The following STX8 variants were observed in gnomAD, a reference collection of about 807,000 sequenced individuals.
STX8 encodes the protein syntaxin-8.
STX8 carries 23 observed loss-of-function variants against 37.5 expected under a neutral mutation model. The observed-to-expected ratio is 0.61, with a 90% CI of 0.44 to 0.87. STX8 has a LOEUF of 0.87. Ranked by LOEUF, STX8 falls within the 40% of genes least tolerant of loss-of-function variation. The pLI is 0.00. For missense variants in STX8, 313 were observed against 284.7 expected (o/e 1.10, Z -0.71); for synonymous variants, 115 against 99.1 (o/e 1.16, Z -0.95).
chr17:9,421,894 A>C (rs1378312737), intron 6 of STX8, among the ~76,000 whole-genome samples: 1 of 151,932 alleles, frequency 6.6e-6, no homozygotes, highest in Non-Finnish European at 1.5e-5. Context: ...TCGAGTTCTC[A>C]CAAGATCTGG....
At chr17:9,376,839 G>A (rs1003012568) in intron 7 of STX8, among the ~76,000 whole-genome samples, 3 of 152,186 alleles carry the variant, frequency 2.0e-5, no homozygotes, top group African/African-American at 7.2e-5. Context: ...TGAAGTCAGC[G>A]AGACCAAGAA....
At chr17:9,528,241 G>T (rs997740208) in intron 4 of STX8, among the ~76,000 whole-genome samples, 2 of 152,202 alleles carry the variant, frequency 1.3e-5, no homozygotes, top group African/African-American at 4.8e-5. Flanking sequence ...TACTTGAGGA[G>T]AAAGGCACTG....
chr17:9,444,814 G>A (rs1426482094), intron 6 of STX8, among the ~76,000 whole-genome samples: 2 of 152,148 alleles, frequency 1.3e-5, no homozygotes, highest in Admixed American at 1.3e-4. Context: ...TGTGCAAAGG[G>A]AGACAGGCTT....
chr17:9,469,384 A>T (rs1905754581), intron 6 of STX8: 1 of 151,506 alleles, frequency 6.6e-6, no homozygotes, highest in Non-Finnish European at 1.5e-5. Context: ...ACACACACAC[A>T]TCTACCCCTA....
At chr17:9,471,031 CTTT>C (rs757411419) in intron 6 of STX8, among the ~76,000 whole-genome samples, 1,037 of 32,954 alleles carry the variant, frequency 0.031, 17 homozygotes, top group African/African-American at 0.11. Flanking sequence ...CTGCATCCTG[CTTT>C]TTTTTTTTTT....
chr17:9,519,022 A>G (rs1597721035), intron 4 of STX8, among the ~76,000 whole-genome samples: 1 of 152,288 alleles, frequency 6.6e-6, no homozygotes, highest in East Asian at 1.9e-4. Context: ...CTAGCAGGAC[A>G]ATACCAGAAT....
At chr17:9,357,020 T>G (rs1456982083) in intron 7 of STX8, among the ~76,000 whole-genome samples, 1 of 139,122 alleles carries the variant, frequency 7.2e-6, no homozygotes, top group Admixed American at 8.2e-5. Context: ...CCGGCTGAAG[T>G]GCAGTGGCAT....
At chr17:9,353,653 C>T (rs951558815) in intron 7 of STX8, among the ~76,000 whole-genome samples, 6 of 152,218 alleles carry the variant, frequency 3.9e-5, no homozygotes, top group South Asian at 2.1e-4. Flanking sequence ...TCTAATATCA[C>T]TCTAAACAAT....
chr17:9,563,316 G>A (rs1907325027), intron 2 of STX8, among the ~76,000 whole-genome samples: 1 of 151,888 alleles, frequency 6.6e-6, no homozygotes, highest in Non-Finnish European at 1.5e-5. Flanking sequence ...CCGAGTAGCT[G>A]GGATTACAGG....
intron 5 of STX8, among the ~76,000 whole-genome samples, chr17:9,502,517 T>C (rs1262391093): frequency 6.6e-6 from 1 of 152,232 alleles, no homozygotes; most frequent in Admixed American, 6.5e-5. Flanking sequence ...TATGTATACA[T>C]ATTTTGAAAC....
intron 7 of STX8, among the ~76,000 whole-genome samples, chr17:9,339,659 C>CT (rs1458127965): frequency 6.6e-6 from 1 of 150,978 alleles, no homozygotes; most frequent in Non-Finnish European, 1.5e-5. Context: ...GAGACACCAT[C>CT]TAAAAAAAAA....
intron 6 of STX8, among the ~76,000 whole-genome samples, chr17:9,394,688 C>CAT (rs1912334984): frequency 6.6e-6 from 1 of 151,494 alleles, no homozygotes; most frequent in Non-Finnish European, 1.5e-5. Context: ...TATTTAAAAC[C>CAT]ATAACAACAA....
chr17:9,380,254 G>GTTTTTTT (rs34806016), intron 6 of STX8, among the ~76,000 whole-genome samples: 4 of 89,442 alleles, frequency 4.5e-5, no homozygotes, highest in African/African-American at 1.9e-4. Context: ...ATTTCTGTGT[G>GTTTTTTT]TTTTTTTTTT....
intron 7 of STX8, among the ~76,000 whole-genome samples, chr17:9,335,923 G>T (rs11867875): frequency 0.056 from 8,465 of 151,602 alleles, 807 homozygotes; most frequent in African/African-American, 0.19. Context: ...GAACATTTCT[G>T]GGGGGTTATA....
intron 7 of STX8, among the ~76,000 whole-genome samples, chr17:9,334,147 G>A (rs1910064187): frequency 6.8e-6 from 1 of 147,200 alleles, no homozygotes; most frequent in Admixed American, 6.9e-5. Context: ...GCGGGGGGGT[G>A]TGGGGGTGGG....
At chr17:9,434,436 T>A (rs1025217441) in intron 6 of STX8, among the ~76,000 whole-genome samples, 1 of 152,102 alleles carries the variant, frequency 6.6e-6, no homozygotes, top group Non-Finnish European at 1.5e-5. Context: ...GAAGACAGAG[T>A]GGAACACTAA....
At chr17:9,399,992 G>A (rs1912546754) in intron 6 of STX8, among the ~76,000 whole-genome samples, 1 of 151,956 alleles carries the variant, frequency 6.6e-6, no homozygotes, top group Non-Finnish European at 1.5e-5. Context: ...TAGCTTATTA[G>A]GCCAAATTTA....
chr17:9,475,498 T>C (rs1906061580), intron 6 of STX8, among the ~76,000 whole-genome samples: 3 of 152,176 alleles, frequency 2.0e-5, no homozygotes, highest in Admixed American at 1.3e-4. Flanking sequence ...TGAGCCAGTC[T>C]GCCCACAGCC....
chr17:9,408,128 T>C (rs1447496597), intron 6 of STX8, among the ~76,000 whole-genome samples: 1 of 152,200 alleles, frequency 6.6e-6, no homozygotes, highest in Non-Finnish European at 1.5e-5. Context: ...ACCCGTCTGA[T>C]GAGAATTTAT....
Sources: allele counts gnomAD v4.1 joint callset (sites outside exome capture counted in the v4.1 genomes callset), GRCh38; gene constraint gnomAD v4.1.1; transcripts MANE v1.5; gene names NCBI Gene and HGNC (gene_info 2026-07-23, HGNC 2026-07-21).